ANAPC1: variants seen among roughly 807,000 people sequenced by gnomAD.
The protein encoded by ANAPC1 is anaphase-promoting complex subunit 1.
A neutral mutation model predicts 208.0 loss-of-function variants in ANAPC1; 36 were observed. The observed-to-expected ratio is 0.17, with a 90% CI of 0.13 to 0.23. The LOEUF (loss-of-function observed/expected upper bound fraction) is 0.23. ANAPC1 is among the 10% of genes least tolerant of loss of function. ANAPC1 has a pLI of 1.00. For missense variants in ANAPC1, 942 were observed against 2,011.6 expected, an observed-to-expected ratio of 0.47 and a Z score of 10.17; for synonymous variants, 378 against 695.2, an observed-to-expected ratio of 0.54 and a Z score of 7.18.
At chr2:111,881,260 CATCTAAGGG>C (rs1025957113) in intron 1 of ANAPC1, among the ~76,000 whole-genome samples, 11 of 152,224 alleles carry the variant, frequency 7.2e-5, no homozygotes, top group Admixed American at 2.0e-4. Flanking sequence ...TTGAAAAGTA[CATCTAAGGG>C]ATCATTGTCA....
chr2:111,845,259 T>C (rs1680992358), intron 16 of ANAPC1, among the ~76,000 whole-genome samples: 1 of 152,204 alleles, frequency 6.6e-6, no homozygotes, highest in African/African-American at 2.4e-5. Context: ...CTGCTTTTAG[T>C]AGTAAATAAT....
intron 38 of ANAPC1, among the ~76,000 whole-genome samples, chr2:111,789,929 G>C (rs1183510404): frequency 2.0e-5 from 3 of 150,154 alleles, no homozygotes; most frequent in Non-Finnish European, 4.5e-5. Context: ...AAATAAATAA[G>C]AATTTTCATA....
chr2:111,872,542 A>G, intron 6 of ANAPC1, 88 bp downstream of exon 6: 6 of 1,111,306 alleles, frequency 5.4e-6, no homozygotes, highest in Non-Finnish European at 6.7e-6. Flanking sequence ...GAAAATTATC[A>G]TCATCTCAAA....
chr2:111,853,664 C>T (rs1681534884), intron 13 of ANAPC1, among the ~76,000 whole-genome samples: 1 of 151,294 alleles, frequency 6.6e-6, no homozygotes, highest in African/African-American at 2.4e-5. Context: ...TGTCCTCCTC[C>T]CATGGATCAT....
intron 7 of ANAPC1, chr2:111,866,434 C>T (rs1209442229): frequency 6.6e-6 from 1 of 151,882 alleles, no homozygotes; most frequent in Non-Finnish European, 1.4e-5. Context: ...TCCTTCAACA[C>T]TGAAGACAAG....
intron 37 of ANAPC1, among the ~76,000 whole-genome samples, chr2:111,792,881 G>A (rs1320757439): frequency 5.9e-5 from 9 of 152,198 alleles, no homozygotes; most frequent in South Asian, 4.1e-4. Context: ...TGAACCCGGG[G>A]TGCGGAGCTC....
rs1188095489 is a variant in ANAPC1 at position 111,825,841 on chromosome 2, G to A, written c.2640C>T (p.Tyr880=). The change falls in exon 22 of 48, where the codon TAC becomes TAT. Residue 880 remains tyrosine (Y), a synonymous_variant. Transcript: ENST00000341068. ...SRLVVLSIAL[Y]ILGDESLVSD... ...AAACCAAGCTCTCATCACCAAGTAT[G>A]TACAGTGCAATACTCTGCAAAGGAA... 6.2e-7 allele frequency: 1 copy of A among 1,613,528 alleles called. No homozygotes were observed. Among genetic ancestry groups the A allele is most frequent in the South Asian group, 1.1e-5 (1 of 91,030 alleles).
At chr2:111,877,691 G>A (rs182256337) in intron 3 of ANAPC1, among the ~76,000 whole-genome samples, 1 of 152,064 alleles carries the variant, frequency 6.6e-6, no homozygotes, top group African/African-American at 2.4e-5. Context: ...GGGTGAGGCG[G>A]GAGAATGGCA....
intron 18 of ANAPC1, among the ~76,000 whole-genome samples, chr2:111,835,718 G>A (rs1310368886): frequency 6.6e-6 from 1 of 151,990 alleles, no homozygotes. Flanking sequence ...GCGGGCGCCT[G>A]TTAGTCCCAG....
At chr2:111,808,772 G>T (rs1678823984) in intron 29 of ANAPC1, among the ~76,000 whole-genome samples, 175 bp downstream of exon 29, 1 of 151,516 alleles carries the variant, frequency 6.6e-6, no homozygotes, top group Non-Finnish European at 1.5e-5. Context: ...CATTAGCCTT[G>T]GATAACATTA....
At chr2:111,841,576 G>A (rs569548778) in intron 17 of ANAPC1, among the ~76,000 whole-genome samples, 4 of 152,128 alleles carry the variant, frequency 2.6e-5, no homozygotes, top group Non-Finnish European at 1.5e-5. Context: ...TGAGGCCAAT[G>A]TGGCTGGGAT....
intron 10 of ANAPC1, among the ~76,000 whole-genome samples, chr2:111,860,885 T>C (rs1402342175): frequency 2.0e-5 from 3 of 151,878 alleles, no homozygotes; most frequent in Admixed American, 6.6e-5. Flanking sequence ...ATACTACATG[T>C]ACACACAATT....
At chr2:111,842,990 G>A (rs554305981) in intron 17 of ANAPC1, among the ~76,000 whole-genome samples, 8 of 152,174 alleles carry the variant, frequency 5.3e-5, no homozygotes, top group Non-Finnish European at 8.8e-5. Flanking sequence ...AGCAATATGT[G>A]TGTAAAAAGA....
At chr2:111,823,509 A>G (rs887799434) in intron 24 of ANAPC1, among the ~76,000 whole-genome samples, 1 of 152,112 alleles carries the variant, frequency 6.6e-6, no homozygotes, top group Non-Finnish European at 1.5e-5. Context: ...GAAAAAAAAA[A>G]AGAGATGGAG....
intron 3 of ANAPC1, among the ~76,000 whole-genome samples, chr2:111,878,196 AT>A (rs372595612): frequency 2.9e-4 from 44 of 152,350 alleles, no homozygotes; most frequent in Middle Eastern, 3.4e-3. Context: ...GGAATCAATT[AT>A]TGCACTGGAG....
Position 111,821,315 on chromosome 2 carries a change from C to T in ANAPC1, c.3130G>A (p.Ala1044Thr), listed in dbSNP as rs1173436286. The T allele has an allele frequency of 4.3e-6, 7 of 1,612,314 alleles. No homozygotes were observed. Among genetic ancestry groups the T allele is most frequent in the Non-Finnish European group, 5.9e-6 (7 of 1,179,794 alleles). Residue 1044 changes from alanine (A) to threonine (T), a missense_variant, in exon 26 of 48, where the codon GCG becomes ACG. Ala to Thr is a moderately conservative substitution (Grantham distance 58). Coordinates refer to ENST00000341068, the MANE Select transcript of ANAPC1 (RefSeq NM_022662.4). ...VQDVRRLLQS[A>T]HPVRVNVVQY... is the part of the protein sequence containing the mutation. ...ACTACGTTGACACGGACAGGATGCG[C>T]ACTCTGAAGAAGCCTTCGCACATCC...
At chr2:111,807,775 T>C (rs1678767721) in intron 29 of ANAPC1, among the ~76,000 whole-genome samples, 2 of 151,746 alleles carry the variant, frequency 1.3e-5, no homozygotes, top group South Asian at 2.1e-4. Context: ...AAATCTTCTA[T>C]ATACAGTGTG....
At chr2:111,800,489 T>A in intron 34 of ANAPC1, among the ~76,000 whole-genome samples, 1 of 129,208 alleles carries the variant, frequency 7.7e-6, no homozygotes, top group Non-Finnish European at 1.7e-5. Context: ...GACAAAAATA[T>A]CAACACTTTT....
intron 14 of ANAPC1, among the ~76,000 whole-genome samples, chr2:111,849,438 A>G (rs1012724882): frequency 6.6e-6 from 1 of 152,214 alleles, no homozygotes; most frequent in Admixed American, 6.5e-5. Flanking sequence ...TCAATGTGGC[A>G]CATGTTTAAA....
Sources: gnomAD v4.1 joint callset for allele counts (sites outside exome capture counted in the v4.1 genomes callset) on GRCh38, gnomAD v4.1.1 for gene constraint, MANE v1.5 for transcripts, NCBI Gene and HGNC (gene_info 2026-07-23, HGNC 2026-07-21) for gene names.